Variants in CDH4 observed in about 807,000 individuals in gnomAD.
CDH4 encodes the protein cadherin 4.
Under a neutral mutation model 86.0 loss-of-function variants are expected in CDH4, and 33 were observed. That is an observed-to-expected ratio of 0.38 (90% CI 0.29 to 0.51). The LOEUF (loss-of-function observed/expected upper bound fraction) is 0.51, where lower values mean the gene tolerates loss of function less well. Ranked by LOEUF, CDH4 falls within the 20% of genes least tolerant of loss-of-function variation. CDH4 has a pLI of 0.86. For missense variants in CDH4, 1,114 were observed against 1,307.4 expected (o/e 0.85, Z 2.28); for synonymous variants, 555 against 549.4 (o/e 1.01, Z -0.14).
At chr20:61,804,701 A>G (rs541623946) in intron 4 of CDH4, among the ~76,000 whole-genome samples, 34 of 152,316 alleles carry the variant, frequency 2.2e-4, no homozygotes, top group African/African-American at 7.9e-4. Flanking sequence ...CCGTAGCCTC[A>G]GAAGTGCAGG....
chr20:61,918,684 G>A (rs548199738), intron 9 of CDH4, among the ~76,000 whole-genome samples: 3 of 152,236 alleles, frequency 2.0e-5, no homozygotes, highest in South Asian at 4.1e-4. Context: ...GTGGTGTCGC[G>A]GTGATTGCGT....
At chr20:61,618,700 A>T (rs1390427615) in intron 2 of CDH4, among the ~76,000 whole-genome samples, 1 of 152,238 alleles carries the variant, frequency 6.6e-6, no homozygotes, top group Non-Finnish European at 1.5e-5. Context: ...TCTGAGATTC[A>T]GAGCATCCCT....
chr20:61,633,545 C>T (rs532281444), intron 2 of CDH4, among the ~76,000 whole-genome samples: 1 of 152,272 alleles, frequency 6.6e-6, no homozygotes, highest in South Asian at 2.1e-4. Flanking sequence ...AATGTATCCA[C>T]CCATTCATCC....
chr20:61,413,079 C>T (rs1046701767), intron 2 of CDH4, among the ~76,000 whole-genome samples: 7 of 152,154 alleles, frequency 4.6e-5, no homozygotes, highest in Admixed American at 6.5e-5. Flanking sequence ...CCTGCAAACA[C>T]CCTTCCCGGT....
intron 2 of CDH4, among the ~76,000 whole-genome samples, chr20:61,665,797 T>G (rs1284141417): frequency 6.6e-6 from 1 of 152,182 alleles, no homozygotes; most frequent in Non-Finnish European, 1.5e-5. Context: ...TGGTGGCTGC[T>G]GCATGCACAG....
chr20:61,334,929 C>G (rs2084609084), intron 2 of CDH4, among the ~76,000 whole-genome samples: 1 of 152,366 alleles, frequency 6.6e-6, no homozygotes, highest in East Asian at 1.9e-4. Flanking sequence ...TTGAGACCTT[C>G]CTTTTCCCAG....
chr20:61,266,603 C>T (rs1469455861), intron 2 of CDH4, among the ~76,000 whole-genome samples: 3 of 151,686 alleles, frequency 2.0e-5, no homozygotes, highest in Admixed American at 2.0e-4. Flanking sequence ...GCTGCAGCCC[C>T]CGATAGGGTG....
chr20:61,783,270 C>T (rs1430826017), intron 4 of CDH4, among the ~76,000 whole-genome samples: 4 of 152,226 alleles, frequency 2.6e-5, no homozygotes, highest in African/African-American at 9.6e-5. Flanking sequence ...CACTAATATA[C>T]ATTTCTAGGG....
At chr20:61,497,430 G>T (rs1336231689) in intron 2 of CDH4, among the ~76,000 whole-genome samples, 2 of 152,064 alleles carry the variant, frequency 1.3e-5, no homozygotes, top group Non-Finnish European at 2.9e-5. Context: ...TACATCACAG[G>T]CTACTGAAAG....
At chr20:61,814,962 G>A (rs1436131504) in intron 4 of CDH4, among the ~76,000 whole-genome samples, 2 of 152,156 alleles carry the variant, frequency 1.3e-5, no homozygotes, top group African/African-American at 4.8e-5. Context: ...GTGTTCTAGT[G>A]CCCGTGTAAG....
At position 61,811,682 on chromosome 20, in the gene CDH4, CT is replaced by C. The variant is rs372708280; in HGVS notation, c.577-32968del. On this transcript the variant is annotated intron_variant, in intron 4 of 15. Coordinates refer to ENST00000614565, the MANE Select transcript of CDH4 (RefSeq NM_001794.5). The surrounding 1 kb of genome is among the most constrained non-coding windows in gnomAD (Gnocchi z 4.4). ...GTCACGCCCCTGGCTGCCTACTGAG[CT>C]TTTTTTTTTTTTTTTTTGAGTTGGC... Among the ~76,000 whole-genome samples the C allele has an allele frequency of 0.093, 11,810 of 127,368 alleles. 442 individuals are homozygous for C. Among genetic ancestry groups the C allele is most frequent in the East Asian group, 0.16 (658 of 4,180 alleles). 83.6% of individuals were successfully genotyped at this position (127,368 alleles called of 152,430 possible). A position where few individuals can be genotyped will look rare whatever the true frequency, so the allele number is the denominator to read the frequency against.
chr20:61,638,364 T>C (rs2086970704), intron 2 of CDH4, among the ~76,000 whole-genome samples: 1 of 152,208 alleles, frequency 6.6e-6, no homozygotes. Flanking sequence ...GAGTGTGTCC[T>C]GGCAAACGGG....
intron 6 of CDH4, among the ~76,000 whole-genome samples, chr20:61,861,374 G>A (rs908892513): frequency 5.3e-5 from 8 of 152,150 alleles, no homozygotes; most frequent in Non-Finnish European, 7.3e-5. Context: ...CCCAGGAAAC[G>A]GCTAGTTTTA....
chr20:61,853,078 G>A (rs8115486), intron 6 of CDH4, among the ~76,000 whole-genome samples, 180 bp downstream of exon 6: 1,919 of 152,318 alleles, frequency 0.013, 39 homozygotes, highest in African/African-American at 0.044. Flanking sequence ...AGGCCTTGGG[G>A]TCAAGGGGGT....
chr20:61,565,228 T>TCCTCTTGGTGATGG (rs199958206), intron 2 of CDH4, among the ~76,000 whole-genome samples: 1 of 29,258 alleles, frequency 3.4e-5, no homozygotes, highest in Non-Finnish European at 7.6e-5. Context: ...TGGTAGGTGG[T>TCCTCTTGGTGATGG]GGTGGTGGTG....
chr20:61,390,137 C>A (rs1480298278), intron 2 of CDH4, among the ~76,000 whole-genome samples: 1 of 149,362 alleles, frequency 6.7e-6, no homozygotes, highest in Non-Finnish European at 1.5e-5. Context: ...GTCTAGGAAA[C>A]CCCAATTGGG....
intron 2 of CDH4, among the ~76,000 whole-genome samples, chr20:61,637,001 G>A (rs998044649): frequency 6.6e-6 from 1 of 152,206 alleles, no homozygotes; most frequent in Non-Finnish European, 1.5e-5. Flanking sequence ...AGATCACCTG[G>A]ACTCCAGTCC....
rs933102385 is a variant in CDH4, at chr20:61,544,781, A to G, written c.170-198782A>G. On this transcript the variant is annotated intron_variant, in intron 2 of 15. Transcript: ENST00000614565. This position sits in a 1 kb window ranked among gnomAD's most constrained non-coding sequence, Gnocchi z 6.5. Reference sequence around the variant, plus strand: ...GCTTGGTCCATGGACTGGAAGCCTGACTCCCCCGACAGCCCTCCCTGCCCC... The same window carrying G: ...GCTTGGTCCATGGACTGGAAGCCTGGCTCCCCCGACAGCCCTCCCTGCCCC... Among the ~76,000 whole-genome samples, 42 of 151,294 alleles carry G rather than the reference A, an allele frequency of 2.8e-4. No homozygotes were observed. Among genetic ancestry groups the G allele is most frequent in the African/African-American group, 9.7e-4 (40 of 41,122 alleles).
At chr20:61,857,254 AG>A (rs1983061148) in intron 6 of CDH4, among the ~76,000 whole-genome samples, 1 of 152,318 alleles carries the variant, frequency 6.6e-6, no homozygotes, top group African/African-American at 2.4e-5. Flanking sequence ...CCATGGAGTA[AG>A]ACGGGGCTCC....
Sources: allele counts gnomAD v4.1 joint callset (sites outside exome capture counted in the v4.1 genomes callset), GRCh38; gene constraint gnomAD v4.1.1; non-coding constraint Gnocchi (gnomAD v3.1); transcripts MANE v1.5; gene names NCBI Gene and HGNC (gene_info 2026-07-23, HGNC 2026-07-21).